The following RASEF variants were observed in gnomAD, a reference collection of about 807,000 sequenced individuals.
RASEF encodes the protein RAS and EF-hand domain containing, also known as ras and EF-hand domain-containing protein.
Under a neutral mutation model 90.1 loss-of-function variants are expected in RASEF, and 68 were observed. The observed-to-expected ratio is 0.75, with a 90% CI of 0.62 to 0.92. RASEF has a LOEUF of 0.92. Among genes scored for constraint, RASEF ranks in the 40% least tolerant of loss-of-function variants. RASEF has a pLI of 0.00. For synonymous variants in RASEF, 331 were observed against 345.2 expected (o/e 0.96, Z 0.46); for missense variants, 949 against 937.2 (o/e 1.01, Z -0.16).
intron 4 of RASEF, among the ~76,000 whole-genome samples, chr9:83,014,121 CAG>C (rs1336772508): frequency 6.6e-6 from 1 of 152,176 alleles, no homozygotes; most frequent in East Asian, 1.9e-4. Flanking sequence ...CTAGCATAAA[CAG>C]AAGATTCGTC....
At chr9:83,014,414 C>T (rs553803934) in intron 4 of RASEF, among the ~76,000 whole-genome samples, 316 of 152,192 alleles carry the variant, frequency 2.1e-3, no homozygotes, top group Middle Eastern at 6.8e-3. Context: ...GATCCTTCCA[C>T]CCCAGCCTCC....
chr9:82,989,268 A>G (rs1828770704), intron 16 of RASEF, among the ~76,000 whole-genome samples: 1 of 152,106 alleles, frequency 6.6e-6, no homozygotes, highest in Admixed American at 6.6e-5. Flanking sequence ...AAATAGATAC[A>G]AGGTCTCACT....
the RASEF span, among the ~76,000 whole-genome samples, chr9:83,104,407 A>G: frequency 6.6e-6 from 1 of 152,210 alleles, no homozygotes; most frequent in Non-Finnish European, 1.5e-5. Flanking sequence ...TAATGTCTTC[A>G]TGGTTAAGAA....
chr9:83,005,074 G>T (rs1829104054), intron 8 of RASEF, among the ~76,000 whole-genome samples: 1 of 152,152 alleles, frequency 6.6e-6, no homozygotes, highest in Non-Finnish European at 1.5e-5. Flanking sequence ...CTGTAGGAGG[G>T]TTTGAAATCC....
chr9:83,114,111 G>C, the RASEF span, among the ~76,000 whole-genome samples: 2 of 152,286 alleles, frequency 1.3e-5, no homozygotes, highest in South Asian at 4.1e-4. Context: ...ACCCCGAATG[G>C]AGGGACCAGC....
chr9:82,982,891 T>C (rs1385934857), intron 16 of RASEF, 109 bp from the exon 17 acceptor site: 4 of 734,770 alleles, frequency 5.4e-6, no homozygotes, highest in South Asian at 3.0e-5. Flanking sequence ...AAAATAGCCA[T>C]GCTGAGTGTC....
the RASEF span, among the ~76,000 whole-genome samples, chr9:83,127,041 G>A: frequency 6.6e-6 from 1 of 152,134 alleles, no homozygotes; most frequent in Non-Finnish European, 1.5e-5. Flanking sequence ...TACATAAATT[G>A]TAAAGAAAAC....
the RASEF span, among the ~76,000 whole-genome samples, chr9:83,134,209 T>TA: frequency 6.6e-6 from 1 of 152,130 alleles, no homozygotes; most frequent in African/African-American, 2.4e-5. Flanking sequence ...GCCACCTGAC[T>TA]AGCAGAGGTG....
intron 16 of RASEF, among the ~76,000 whole-genome samples, chr9:82,986,276 T>C (rs950262797): frequency 1.3e-5 from 2 of 152,236 alleles, no homozygotes; most frequent in East Asian, 1.9e-4. Context: ...ACAATAACCA[T>C]AGCATCTTCA....
At chr9:83,078,856 G>A in the RASEF span, among the ~76,000 whole-genome samples, 1 of 152,130 alleles carries the variant, frequency 6.6e-6, no homozygotes, top group African/African-American at 2.4e-5. Context: ...CTTCTTTTGA[G>A]AAATGTCTGT....
intron 16 of RASEF, among the ~76,000 whole-genome samples, chr9:82,986,547 C>A (rs569559681): frequency 6.6e-6 from 1 of 152,264 alleles, no homozygotes; most frequent in African/African-American, 2.4e-5. Flanking sequence ...GGCCTTCAGC[C>A]AAAAATGCAG....
At chr9:83,163,361 A>G in the RASEF span, among the ~76,000 whole-genome samples, 1 of 152,244 alleles carries the variant, frequency 6.6e-6, no homozygotes, top group Non-Finnish European at 1.5e-5. Flanking sequence ...TTACAAAAAG[A>G]CATCACACAT....
At chr9:83,199,758 G>A in the RASEF span, among the ~76,000 whole-genome samples, 1 of 152,210 alleles carries the variant, frequency 6.6e-6, no homozygotes, top group African/African-American at 2.4e-5. Flanking sequence ...TGGTGAGACA[G>A]AGGCCAAGGA....
chr9:83,108,121 G>C, the RASEF span, among the ~76,000 whole-genome samples: 3 of 152,142 alleles, frequency 2.0e-5, no homozygotes, highest in African/African-American at 7.2e-5. Flanking sequence ...GCTCTCTGGG[G>C]TGATGGAAAT....
chr9:83,110,479 C>G, the RASEF span, among the ~76,000 whole-genome samples: 1 of 152,132 alleles, frequency 6.6e-6, no homozygotes, highest in African/African-American at 2.4e-5. Context: ...ATTATAATCT[C>G]TTGGCATGGC....
chr9:83,061,587 T>C (rs1375836501), intron 1 of RASEF, among the ~76,000 whole-genome samples: 2 of 152,008 alleles, frequency 1.3e-5, no homozygotes. Context: ...CATGGACAAA[T>C]GCAAACGAAA....
At chr9:83,159,682 C>T in the RASEF span, among the ~76,000 whole-genome samples, 4 of 152,196 alleles carry the variant, frequency 2.6e-5, no homozygotes, top group Admixed American at 2.0e-4. Flanking sequence ...AAATTTGCAC[C>T]ATTTATATTT....
intron 2 of RASEF, among the ~76,000 whole-genome samples, chr9:83,023,430 A>C (rs1829479557): frequency 6.6e-6 from 1 of 152,170 alleles, no homozygotes; most frequent in African/African-American, 2.4e-5. Context: ...TCTGTCTTCT[A>C]GTTTGATGGG....
At chr9:83,126,685 T>C in the RASEF span, among the ~76,000 whole-genome samples, 1 of 152,236 alleles carries the variant, frequency 6.6e-6, no homozygotes, top group Non-Finnish European at 1.5e-5. Context: ...CTGCCCTGGA[T>C]GGCAGCTTGC....
Sources: gnomAD v4.1 joint callset for allele counts (sites outside exome capture counted in the v4.1 genomes callset) on GRCh38, gnomAD v4.1.1 for gene constraint, MANE v1.5 for transcripts, NCBI Gene and HGNC (gene_info 2026-07-23, HGNC 2026-07-21) for gene names.